SLITRK5: variants seen among roughly 807,000 people sequenced by gnomAD.
The protein encoded by SLITRK5 is SLIT and NTRK like family member 5.
In SLITRK5, 23 loss-of-function variants were observed where a neutral mutation model predicts 56.2. The ratio of observed to expected loss-of-function variants is 0.41; its 90% CI spans 0.29 to 0.58. The LOEUF is 0.58. SLITRK5 is among the 20% of genes least tolerant of loss of function. SLITRK5 has a pLI of 0.30. For synonymous variants in SLITRK5, 637 were observed against 531.8 expected, an observed-to-expected ratio of 1.20 and a Z score of -2.72; for missense variants, 1,289 against 1,226.6, an observed-to-expected ratio of 1.05 and a Z score of -0.76.
Position 87,677,840 on chromosome 13 carries a change from G to A in SLITRK5, c.2452G>A (p.Gly818Arg), listed in dbSNP as rs756482226. 4 of 1,611,842 alleles carry A rather than the reference G, an allele frequency of 2.5e-6. No homozygotes were observed. The South Asian group carries it at 3.3e-5, about 13-fold the overall frequency. ...QPPPQLQLQP[G>R]EEERRESHHL... ...CCCGCCGCAGCTGCAGCTGCAGCCC[G>A]GGGAGGAGGAGAGGCGGGAAAGCCA... The change falls in exon 2 of 2, where the codon GGG (glycine) becomes AGG (arginine). Residue 818 changes from glycine to arginine, a missense_variant. By Grantham distance (125) the Gly-to-Arg change is moderately radical. Transcript: ENST00000683689. This position sits in a 1 kb window ranked among gnomAD's most constrained non-coding sequence, Gnocchi z 4.7.
chr13:87,672,132 C>A lies in SLITRK5; in HGVS notation c.-86C>A, dbSNP rs1352300720. Among the ~76,000 whole-genome samples, 1 of 151,952 alleles carries A rather than the reference C, an allele frequency of 6.6e-6. No homozygotes were observed. The highest frequency in any genetic ancestry group is 6.5e-5 in the Admixed American group (1 of 15,274). On this transcript the variant is annotated 5_prime_UTR_variant, in exon 1 of 2. Transcript: ENST00000683689. ...CGGCGCGAACCCAGGCCGGAGGGTG[C>A]GAGGAGCCAGAGGAGGCTGGAGGGG...
rs1019887913 is a variant in SLITRK5 at position 87,672,000 on chromosome 13, C to T, written c.-218C>T. Among the ~76,000 whole-genome samples, 1 of 152,128 alleles carries T rather than the reference C, an allele frequency of 6.6e-6. No individual in the cohort carries two copies. Among genetic ancestry groups the T allele is most frequent in the African/African-American group, 2.4e-5 (1 of 41,448 alleles). ...AGAAGGCGGGAGATGCATGCACACC[C>T]CCGCGACCCGCTCCCTCTGGCTCGT... On this transcript the variant is annotated 5_prime_UTR_variant, in exon 1 of 2. Coordinates refer to ENST00000683689, the MANE Select transcript of SLITRK5 (RefSeq NM_001384609.1).
Position 87,676,255 on chromosome 13 carries a change from T to C in SLITRK5, c.867T>C (p.Ile289=). ...SKQELCPRRL[I]SDYEMRPQTP... ...AGGAACTTTGCCCAAGGAGACTTATTTCTGACTACGAGATGAGGCCGCAGA... is the reference window on the plus strand; with the variant it reads ...AGGAACTTTGCCCAAGGAGACTTATCTCTGACTACGAGATGAGGCCGCAGA... The change falls in exon 2 of 2, where the codon ATT becomes ATC. Residue 289 remains isoleucine, a synonymous_variant. Transcript: ENST00000683689. 1 of 1,614,076 alleles carries C rather than the reference T, an allele frequency of 6.2e-7. No individual in the cohort carries two copies. Among genetic ancestry groups the C allele is most frequent in the Non-Finnish European group, 8.5e-7 (1 of 1,180,010 alleles).
rs1345480181 is a variant in SLITRK5, at chr13:87,676,844, C to G, written c.1456C>G (p.Leu486Val). Residue 486 changes from leucine to valine, a missense_variant, in exon 2 of 2, where the codon CTC becomes GTC. Physicochemically the swap from Leu to Val is conservative, Grantham distance 32. Around this residue, in one of 3 missense-constraint regions of SLITRK5, gnomAD observed 985 missense variants for 906.0 expected, o/e 1.09. Coordinates refer to ENST00000683689, the MANE Select transcript of SLITRK5 (RefSeq NM_001384609.1). ...LFYGLQSLQYLFLQYNLIREI... is the reference protein window; with the variant it reads ...LFYGLQSLQYVFLQYNLIREI... The stretch of plus-strand genomic sequence containing the variant: ...CTATGGCCTGCAGAGCCTGCAGTAT[C>G]TCTTCCTCCAGTACAATCTCATCCG... 6.2e-7 allele frequency: 1 copy of G among 1,614,120 alleles called. No homozygotes were observed. Among genetic ancestry groups the G allele is most frequent in the Admixed American group, 1.7e-5 (1 of 60,024 alleles).
rs750617705 is a variant in SLITRK5 at position 87,676,518 on chromosome 13, C to A, written c.1130C>A (p.Ala377Glu). The change falls in exon 2 of 2, where the codon GCG (alanine) becomes GAG (glutamate). Residue 377 changes from alanine to glutamate, a missense_variant. This residue lies in a region of SLITRK5 where 985 missense variants were observed against 906.0 expected (regional missense o/e 1.09). Coordinates refer to ENST00000683689, the MANE Select transcript of SLITRK5 (RefSeq NM_001384609.1). The stretch of plus-strand genomic sequence containing the variant: ...CCGGTGCCTTTGGAGTGTCCCACCG[C>A]GTGCTCTTGCAACCTGCAGATCTCT... ...KSPVPLECPTACSCNLQISDL... is the reference protein window; with the variant it reads ...KSPVPLECPTECSCNLQISDL... 6.2e-7 allele frequency: 1 copy of A among 1,613,992 alleles called. No individual in the cohort carries two copies. The highest frequency in any genetic ancestry group is 1.1e-5 in the South Asian group (1 of 91,082).
Position 87,676,778 on chromosome 13 carries a change from C to G in SLITRK5, c.1390C>G (p.Leu464Val). 1 of 1,614,128 alleles carries G rather than the reference C, an allele frequency of 6.2e-7. No individual in the cohort carries two copies. Among genetic ancestry groups the G allele is most frequent in the Non-Finnish European group, 8.5e-7 (1 of 1,180,030 alleles). ...GDLTNLRRLY[L>V]NGNRIERLSP... ...TCTCACCAACCTGAGGCGCCTCTAC[C>G]TGAATGGCAACAGGATCGAGAGGCT... The change falls in exon 2 of 2, where the codon CTG (leucine) becomes GTG (valine). Residue 464 changes from leucine (L) to valine (V), a missense_variant. By Grantham distance (32) the Leu-to-Val change is conservative. This residue lies in a region of SLITRK5 where 985 missense variants were observed against 906.0 expected (regional missense o/e 1.09). Transcript: ENST00000683689.
At chr13:87,672,257 C>G (rs1289089268) in intron 1 of SLITRK5, among the ~76,000 whole-genome samples, 48 bp downstream of exon 1, 1 of 152,124 alleles carries the variant, frequency 6.6e-6, no homozygotes, top group Admixed American at 6.5e-5. Flanking sequence ...TGCCAGGGAC[C>G]CCGCGATCGC....
intron 1 of SLITRK5, chr13:87,674,324 A>G (rs935180159): frequency 1.3e-5 from 11 of 866,686 alleles, no homozygotes; most frequent in South Asian, 5.3e-5. Flanking sequence ...GTAATAAGCA[A>G]CTCCAAAGAT....
At position 87,671,844 on chromosome 13, in the gene SLITRK5, G is replaced by T. The variant is rs528474639; in HGVS notation, c.-374G>T. 6.6e-6 allele frequency among the ~76,000 whole-genome samples: 1 copy of T among 152,074 alleles called. No individual in the cohort carries two copies. Among genetic ancestry groups the T allele is most frequent in the Non-Finnish European group, 1.5e-5 (1 of 68,010 alleles). On this transcript the variant is annotated 5_prime_UTR_variant, in exon 1 of 2. Transcript: ENST00000683689. ...GACAGCGTCGGCGGGATCCCAGCGCGGTGGTCGCCGCTGCGCTGGGGGGCG... is the reference window on the plus strand; with the variant it reads ...GACAGCGTCGGCGGGATCCCAGCGCTGTGGTCGCCGCTGCGCTGGGGGGCG...
chr13:87,676,012 G>C lies in SLITRK5; in HGVS notation c.624G>C (p.Arg208=). Residue 208 remains arginine, a synonymous_variant, in exon 2 of 2, where the codon CGG becomes CGC. Transcript: ENST00000683689. ...RFVPLTHLDL[R]GNRLKLLPYV... Reference sequence around the variant, plus strand: ...TGCCCTTAACGCACTTGGACCTCCGGGGGAACCGGCTGAAACTTCTGCCCT... The same window carrying C: ...TGCCCTTAACGCACTTGGACCTCCGCGGGAACCGGCTGAAACTTCTGCCCT... 1 of 1,614,126 alleles carries C rather than the reference G, an allele frequency of 6.2e-7. No homozygotes were observed. The highest frequency in any genetic ancestry group is 8.5e-7 in the Non-Finnish European group (1 of 1,180,032).
In SLITRK5 at chr13:87,678,122, C is replaced by T. The variant is rs768189652; in HGVS notation, c.2734C>T (p.Arg912Trp). 5 of 1,614,128 alleles carry T rather than the reference C, an allele frequency of 3.1e-6. No homozygotes were observed. Among genetic ancestry groups the T allele is most frequent in the Admixed American group, 1.7e-5 (1 of 60,018 alleles). Reference protein sequence around the residue: ...LHPGAGDSRLREPVLYSPPSA... With the variant: ...LHPGAGDSRLWEPVLYSPPSA... ...CCCGGGGGCAGGGGACAGCAGGCTA[C>T]GGGAACCGGTGCTCTACAGCCCCCC... Residue 912 changes from arginine (R) to tryptophan (W), a missense_variant, in exon 2 of 2, where the codon CGG becomes TGG. By Grantham distance (101) the Arg-to-Trp change is moderately radical (BLOSUM62 -3). This residue lies in a region of SLITRK5 where 985 missense variants were observed against 906.0 expected (regional missense o/e 1.09). Transcript: ENST00000683689.
In SLITRK5 at chr13:87,671,725, C is replaced by A. The variant is rs904459028; in HGVS notation, c.-493C>A. 4.0e-5 allele frequency among the ~76,000 whole-genome samples: 6 copies of A among 151,638 alleles called. No individual in the cohort carries two copies. The highest frequency in any genetic ancestry group is 4.2e-4 in the South Asian group (2 of 4,782). ...TCTGGGGAAGGGATACAGAAAAAAA[C>A]CCTGCAAACACCGTGAGGATGAAAC... On this transcript the variant is annotated 5_prime_UTR_variant, in exon 1 of 2. Coordinates refer to ENST00000683689, the MANE Select transcript of SLITRK5 (RefSeq NM_001384609.1).
At chr13:87,674,630 C>G (rs117959367) in intron 1 of SLITRK5, among the ~76,000 whole-genome samples, 2,671 of 152,164 alleles carry the variant, frequency 0.018, 31 homozygotes, top group Middle Eastern at 0.034. Flanking sequence ...CTCCGGGAAG[C>G]GCTGCTAAGT....
chr13:87,677,398 C>T lies in SLITRK5; in HGVS notation c.2010C>T (p.Leu670=). 2 of 1,613,946 alleles carry T rather than the reference C, an allele frequency of 1.2e-6. No individual in the cohort carries two copies. Among genetic ancestry groups the T allele is most frequent in the Non-Finnish European group, 1.7e-6 (2 of 1,180,004 alleles). Residue 670 remains leucine, a synonymous_variant, in exon 2 of 2, where the codon CTC becomes CTT. Coordinates refer to ENST00000683689, the MANE Select transcript of SLITRK5 (RefSeq NM_001384609.1). This position sits in a 1 kb window ranked among gnomAD's most constrained non-coding sequence, Gnocchi z 4.7. ...CCTTGTCTGTGTTAATTCTCAGCCTCCTGCTGGTTTTCATCATGTCCGTCT... is the reference window on the plus strand; with the variant it reads ...CCTTGTCTGTGTTAATTCTCAGCCTTCTGCTGGTTTTCATCATGTCCGTCT... ...SVPLSVLILS[L]LLVFIMSVFV... is the part of the protein sequence containing the mutation.
rs767872328 is a variant in SLITRK5 at position 87,676,620 on chromosome 13, C to T, written c.1232C>T (p.Pro411Leu). ...GAACTGCAGCCCAAGCCCTACAATC[C>T]CAAGAAAATGTATCTGACAGAGAAC... is the stretch of plus-strand genomic sequence containing the variant. Reference protein sequence around the residue: ...IAELQPKPYNPKKMYLTENYI... With the variant: ...IAELQPKPYNLKKMYLTENYI... Residue 411 changes from proline (P) to leucine (L), a missense_variant, in exon 2 of 2, where the codon CCC becomes CTC. Pro to Leu is a moderately conservative substitution (Grantham distance 98, BLOSUM62 -3). Transcript: ENST00000683689. 2 of 1,614,008 alleles carry T rather than the reference C, an allele frequency of 1.2e-6. No homozygotes were observed. Among genetic ancestry groups the T allele is most frequent in the East Asian group, 4.5e-5 (2 of 44,864 alleles).
intron 1 of SLITRK5, among the ~76,000 whole-genome samples, chr13:87,674,586 T>C (rs921635915): frequency 6.6e-6 from 1 of 152,110 alleles, no homozygotes; most frequent in African/African-American, 2.4e-5. Context: ...GTAGCGTCGC[T>C]GACATGATCA....
chr13:87,673,236 C>T (rs1877122679), intron 1 of SLITRK5, among the ~76,000 whole-genome samples: 2 of 149,376 alleles, frequency 1.3e-5, no homozygotes, highest in South Asian at 2.1e-4. Context: ...GAATGTTCAG[C>T]GCACCCGCGA....
chr13:87,672,437 C>G (rs1877073306), intron 1 of SLITRK5, among the ~76,000 whole-genome samples: 2 of 150,432 alleles, frequency 1.3e-5, no homozygotes, highest in Admixed American at 1.3e-4. Context: ...CCCTCCCCGC[C>G]CCGCCCGGCT....
In SLITRK5 at chr13:87,676,946, A is replaced by T; in HGVS notation, c.1558A>T (p.Met520Leu). ...CTTGAATAACAACCTCCTGCAGGCC[A>T]TGCCCTCAGGCGTCTTCTCTGGCTT... ...LFLNNNLLQA[M>L]PSGVFSGLTL... Residue 520 changes from methionine to leucine, a missense_variant, in exon 2 of 2, where the codon ATG becomes TTG. This residue lies in a region of SLITRK5 where 985 missense variants were observed against 906.0 expected (regional missense o/e 1.09). Transcript: ENST00000683689. 3 of 1,614,150 alleles carry T rather than the reference A, an allele frequency of 1.9e-6. No homozygotes were observed. The highest frequency in any genetic ancestry group is 2.2e-5 in the South Asian group (2 of 91,088).
Sources: gnomAD v4.1 joint callset for allele counts (sites outside exome capture counted in the v4.1 genomes callset) on GRCh38, gnomAD v4.1.1 for gene constraint, gnomAD v4.1.1 regional missense constraint, Gnocchi (gnomAD v3.1) non-coding constraint, MANE v1.5 for transcripts, NCBI Gene and HGNC (gene_info 2026-07-23, HGNC 2026-07-21) for gene names.